The following PPP1R36 variants were observed in gnomAD, a reference collection of about 807,000 sequenced individuals.
PPP1R36 encodes chromosome 14 open reading frame 50.
PPP1R36 carries 47 observed loss-of-function variants against 53.4 expected under a neutral mutation model. The observed-to-expected ratio is 0.88, with a 90% CI of 0.70 to 1.12. The LOEUF is 1.12. Among genes scored for constraint, PPP1R36 ranks in the 50% most tolerant of loss-of-function variants. PPP1R36 has a pLI of 0.00. For missense variants in PPP1R36, 456 were observed against 513.9 expected, an observed-to-expected ratio of 0.89 and a Z score of 1.09; for synonymous variants, 153 against 170.5, an observed-to-expected ratio of 0.90 and a Z score of 0.80.
At chr14:64,564,107 T>A (rs1009368414) in intron 3 of PPP1R36, among the ~76,000 whole-genome samples, 1 of 152,224 alleles carries the variant, frequency 6.6e-6, no homozygotes, top group Non-Finnish European at 1.5e-5. Context: ...GTAGTGCTTG[T>A]ACAACATGCT....
At chr14:64,551,722 T>G in intron 2 of PPP1R36, 1 of 455,162 alleles carries the variant, frequency 2.2e-6, no homozygotes, top group South Asian at 1.6e-5. Flanking sequence ...AACCAAGATT[T>G]GTCTAATGCT....
intron 7 of PPP1R36, among the ~76,000 whole-genome samples, chr14:64,571,947 G>A (rs1162787916): frequency 2.0e-5 from 3 of 152,126 alleles, no homozygotes; most frequent in South Asian, 4.1e-4. Flanking sequence ...GACCCGCCAC[G>A]ATGATTCAGT....
intron 6 of PPP1R36, among the ~76,000 whole-genome samples, chr14:64,566,416 C>G (rs2080256784): frequency 6.7e-6 from 1 of 149,924 alleles, no homozygotes; most frequent in African/African-American, 2.5e-5. Flanking sequence ...GCACTTCAGC[C>G]TGGGCGACAG....
intron 4 of PPP1R36, 130 bp downstream of exon 4, chr14:64,564,967 G>C (rs755820995): frequency 1.5e-6 from 1 of 651,794 alleles, no homozygotes; most frequent in Non-Finnish European, 2.7e-6. Context: ...ATCAAAGAAA[G>C]AACATGTGCT....
At chr14:64,587,153 C>A in intron 9 of PPP1R36, 41 bp from the exon 10 acceptor site, 1 of 1,490,346 alleles carries the variant, frequency 6.7e-7, no homozygotes, top group Non-Finnish European at 9.2e-7. Flanking sequence ...TTTTCCATTT[C>A]ACAGCTAAGG....
intron 8 of PPP1R36, among the ~76,000 whole-genome samples, chr14:64,579,926 C>T (rs746380989): frequency 1.3e-5 from 2 of 151,912 alleles, no homozygotes; most frequent in African/African-American, 2.4e-5. Flanking sequence ...GCTGAGATCG[C>T]GCCACTGCAC....
chr14:64,588,189 G>A lies in PPP1R36; in HGVS notation c.976G>A (p.Glu326Lys), dbSNP rs1237668800. 1.9e-6 allele frequency: 3 copies of A among 1,613,860 alleles called. No individual in the cohort carries two copies. The highest frequency in any genetic ancestry group is 2.5e-6 in the Non-Finnish European group (3 of 1,179,906). ...GTCTACTCTGCTGCCATCTCTCAGA[G>A]AAAAAGCTCAAAACGTCTTTGAGAA... The part of the protein sequence containing the change: ...VMSTLLPSLR[E>K]KAQNVFEKKY... Residue 326 changes from glutamate to lysine, a missense_variant, in exon 11 of 12, where the codon GAA becomes AAA. Glu to Lys is a moderately conservative substitution (Grantham distance 56, BLOSUM62 1). Transcript: ENST00000298705.
intron 3 of PPP1R36, among the ~76,000 whole-genome samples, chr14:64,558,560 C>A (rs1334970300): frequency 6.6e-6 from 1 of 151,924 alleles, no homozygotes; most frequent in Non-Finnish European, 1.5e-5. Context: ...GTCTGGGCAA[C>A]AGAGTGAGAC....
At chr14:64,567,807 A>G in intron 6 of PPP1R36, among the ~76,000 whole-genome samples, 1 of 152,018 alleles carries the variant, frequency 6.6e-6, no homozygotes, top group Middle Eastern at 3.2e-3. Flanking sequence ...GATTACAGGG[A>G]TGCACCACCA....
intron 8 of PPP1R36, among the ~76,000 whole-genome samples, chr14:64,578,964 G>C (rs1325089345): frequency 6.6e-6 from 1 of 152,220 alleles, no homozygotes; most frequent in Non-Finnish European, 1.5e-5. Flanking sequence ...GTGGGAACAT[G>C]GATAGAGCTG....
At chr14:64,557,245 C>A (rs1174375578) in intron 3 of PPP1R36, among the ~76,000 whole-genome samples, 1 of 152,172 alleles carries the variant, frequency 6.6e-6, no homozygotes, top group African/African-American at 2.4e-5. Context: ...AAGTCAATTT[C>A]ATATCTATAC....
chr14:64,583,811 C>CAAAA (rs529491293), intron 8 of PPP1R36, among the ~76,000 whole-genome samples: 1 of 29,982 alleles, frequency 3.3e-5, no homozygotes, highest in Non-Finnish European at 6.9e-5. Context: ...AACTCCATCT[C>CAAAA]AAAAAAAAAA....
At chr14:64,550,233 A>C in intron 1 of PPP1R36, 167 bp downstream of exon 1, 1 of 1,401,574 alleles carries the variant, frequency 7.1e-7, no homozygotes, top group Non-Finnish European at 9.2e-7. Flanking sequence ...GAAAAAAAAA[A>C]AACTCTGGTG....
At chr14:64,562,898 C>T (rs896906682) in intron 3 of PPP1R36, among the ~76,000 whole-genome samples, 4 of 151,926 alleles carry the variant, frequency 2.6e-5, no homozygotes, top group Admixed American at 6.6e-5. Flanking sequence ...TGGAGTTTCA[C>T]TCTTGTTGCC....
intron 8 of PPP1R36, 140 bp from the exon 9 acceptor site, chr14:64,586,695 AAT>A: frequency 1.7e-6 from 1 of 574,098 alleles, no homozygotes; most frequent in Non-Finnish European, 3.1e-6. Context: ...ACTCTTTATC[AAT>A]GCCTTTTGAT....
At chr14:64,582,307 C>G (rs773469120) in intron 8 of PPP1R36, among the ~76,000 whole-genome samples, 1 of 152,200 alleles carries the variant, frequency 6.6e-6, no homozygotes, top group African/African-American at 2.4e-5. Flanking sequence ...GCCCAGAACC[C>G]TGGGTCTAGA....
intron 3 of PPP1R36, among the ~76,000 whole-genome samples, chr14:64,564,460 C>G (rs7160131): frequency 0.24 from 36,306 of 152,152 alleles, 4,626 homozygotes; most frequent in Non-Finnish European, 0.3. Flanking sequence ...ATAATCTTTT[C>G]AAACTTACCA....
At chr14:64,583,564 CA>C (rs1284530588) in intron 8 of PPP1R36, among the ~76,000 whole-genome samples, 1 of 152,042 alleles carries the variant, frequency 6.6e-6, no homozygotes, top group African/African-American at 2.4e-5. Flanking sequence ...CCTGTAACCC[CA>C]GCACTTCAGG....
intron 7 of PPP1R36, among the ~76,000 whole-genome samples, chr14:64,568,648 A>ACAGAC (rs2080279856): frequency 6.6e-6 from 1 of 152,228 alleles, no homozygotes; most frequent in Non-Finnish European, 1.5e-5. Flanking sequence ...TCCAACTGAT[A>ACAGAC]CAGACTAGCA....
Sources: allele counts gnomAD v4.1 joint callset (sites outside exome capture counted in the v4.1 genomes callset), GRCh38; gene constraint gnomAD v4.1.1; transcripts MANE v1.5; gene names NCBI Gene and HGNC (gene_info 2026-07-23, HGNC 2026-07-21).